Variants in PHTF1 observed in about 807,000 individuals in gnomAD.
PHTF1 encodes protein PHTF1.
A neutral mutation model predicts 102.4 loss-of-function variants in PHTF1; 88 were observed. The observed-to-expected ratio is 0.86, with a 90% CI of 0.72 to 1.03. The LOEUF is 1.03. Ranked by LOEUF, PHTF1 falls within the 50% of genes least tolerant of loss-of-function variation. PHTF1 has a pLI of 0.00. For synonymous variants in PHTF1, 289 were observed against 305.2 expected (o/e 0.95, Z 0.55); for missense variants, 814 against 909.5 (o/e 0.89, Z 1.35).
intron 16 of PHTF1, chr1:113,700,032 A>G (rs1649273981): frequency 9.1e-7 from 1 of 1,093,028 alleles, no homozygotes. Context: ...CAATTTAAAT[A>G]TCAAAACAAT....
chr1:113,736,341 CAAAAA>C (rs57050485), intron 5 of PHTF1, among the ~76,000 whole-genome samples: 1 of 60,700 alleles, frequency 1.6e-5, no homozygotes. Context: ...GACTCCATCT[CAAAAA>C]AAAAAAAAAA....
intron 7 of PHTF1, chr1:113,715,341 T>C (rs772188362): frequency 1.3e-5 from 2 of 152,068 alleles, no homozygotes; most frequent in Non-Finnish European, 2.9e-5. Flanking sequence ...ATATACAACC[T>C]TAGAGACAGA....
intron 8 of PHTF1, 51 bp from the exon 9 acceptor site, chr1:113,712,164 A>G: frequency 6.9e-7 from 1 of 1,444,602 alleles, no homozygotes; most frequent in Non-Finnish European, 9.5e-7. Flanking sequence ...AAATATTCTA[A>G]TAAGCTGCAT....
At chr1:113,756,960 G>A (rs1024145894) in intron 3 of PHTF1, among the ~76,000 whole-genome samples, 2 of 152,122 alleles carry the variant, frequency 1.3e-5, no homozygotes, top group Non-Finnish European at 1.5e-5. Flanking sequence ...AAGGTCAGGA[G>A]ATCGAGACCA....
intron 3 of PHTF1, among the ~76,000 whole-genome samples, chr1:113,751,449 T>A (rs1363010741): frequency 2.0e-5 from 3 of 152,246 alleles, no homozygotes; most frequent in African/African-American, 7.2e-5. Context: ...TCTATAGATT[T>A]CTAGAAATTT....
At chr1:113,758,956 G>A (rs1659297348) in intron 1 of PHTF1, 67 bp downstream of exon 1, 1 of 1,140,466 alleles carries the variant, frequency 8.8e-7, no homozygotes, top group Non-Finnish European at 1.1e-6. Flanking sequence ...GTGCGGGGGA[G>A]GGGCAGGGGC....
At chr1:113,756,522 G>T (rs1329099938) in intron 3 of PHTF1, among the ~76,000 whole-genome samples, 1 of 152,150 alleles carries the variant, frequency 6.6e-6, no homozygotes, top group Non-Finnish European at 1.5e-5. Flanking sequence ...AGGAAGTGAG[G>T]CCCTGAATCC....
At chr1:113,707,462 A>G (rs1478810887) in intron 11 of PHTF1, among the ~76,000 whole-genome samples, 1 of 152,166 alleles carries the variant, frequency 6.6e-6, no homozygotes, top group Non-Finnish European at 1.5e-5. Flanking sequence ...TGAAATGAAA[A>G]ACTTCTACAG....
chr1:113,733,581 A>G (rs1323991573), intron 5 of PHTF1, among the ~76,000 whole-genome samples: 1 of 152,160 alleles, frequency 6.6e-6, no homozygotes, highest in African/African-American at 2.4e-5. Flanking sequence ...CAGAGCTCTC[A>G]TGAATGAGAT....
In PHTF1 at chr1:113,724,896, A is replaced by G; in HGVS notation, c.489-3T>C. 6.3e-7 allele frequency: 1 copy of G among 1,586,650 alleles called. No individual in the cohort carries two copies. The highest frequency in any genetic ancestry group is 8.6e-7 in the Non-Finnish European group (1 of 1,169,474). ...CATTTACAGTTTTTCGTAATTTTCT[A>G]CAAAAAAAAATTTCAATAACTTCAG... On this transcript the variant is annotated splice_region_variant and splice_polypyrimidine_tract_variant and intron_variant, in intron 6 of 18. Transcript: ENST00000369604.
intron 7 of PHTF1, among the ~76,000 whole-genome samples, chr1:113,716,342 CTTTT>C (rs1180513920): frequency 4.1e-5 from 5 of 120,952 alleles, no homozygotes; most frequent in East Asian, 4.8e-4. Flanking sequence ...TTATTTTTCC[CTTTT>C]TTTTTTTTTT....
chr1:113,720,514 C>T (rs1652751823), intron 7 of PHTF1, among the ~76,000 whole-genome samples: 1 of 152,188 alleles, frequency 6.6e-6, no homozygotes, highest in African/African-American at 2.4e-5. Flanking sequence ...GTGCATGAAT[C>T]ATTTTCAGGG....
At chr1:113,705,762 A>T (rs1650043384) in intron 13 of PHTF1, 128 bp downstream of exon 13, 1 of 680,508 alleles carries the variant, frequency 1.5e-6, no homozygotes. Flanking sequence ...CAAATATCAA[A>T]AGTCCACTTA....
chr1:113,748,620 G>A (rs914295072), intron 3 of PHTF1, among the ~76,000 whole-genome samples: 4 of 151,996 alleles, frequency 2.6e-5, no homozygotes, highest in East Asian at 3.9e-4. Flanking sequence ...CTGCAGCTTC[G>A]ACTTCCCAGG....
intron 5 of PHTF1, among the ~76,000 whole-genome samples, chr1:113,729,923 T>C (rs1034960689): frequency 2.6e-5 from 4 of 152,220 alleles, no homozygotes; most frequent in Admixed American, 6.5e-5. Context: ...ATTTTGCATA[T>C]TGCTACCTGA....
chr1:113,713,652 T>C, intron 7 of PHTF1: 1 of 489,270 alleles, frequency 2.0e-6, no homozygotes, highest in Non-Finnish European at 3.6e-6. Flanking sequence ...AAGACTCATG[T>C]CAATTAACTG....
chr1:113,756,015 C>T (rs1169560910), intron 3 of PHTF1, among the ~76,000 whole-genome samples: 2 of 149,356 alleles, frequency 1.3e-5, no homozygotes, highest in Non-Finnish European at 3.0e-5. Flanking sequence ...GGCAGTGAGC[C>T]GAGATCGCTC....
chr1:113,712,737 G>C (rs1284562251), intron 8 of PHTF1, among the ~76,000 whole-genome samples: 1 of 151,164 alleles, frequency 6.6e-6, no homozygotes, highest in Admixed American at 6.6e-5. Flanking sequence ...TCACTAATCT[G>C]TTTATTAAAT....
chr1:113,755,780 G>A (rs1213075042), intron 3 of PHTF1, among the ~76,000 whole-genome samples: 4 of 152,240 alleles, frequency 2.6e-5, no homozygotes, highest in South Asian at 2.1e-4. Flanking sequence ...CAGGCAGGGC[G>A]CGGTGGCTCA....
Sources: gnomAD v4.1 joint callset for allele counts (sites outside exome capture counted in the v4.1 genomes callset) on GRCh38, gnomAD v4.1.1 for gene constraint, MANE v1.5 for transcripts, NCBI Gene and HGNC (gene_info 2026-07-23, HGNC 2026-07-21) for gene names.